ANO3: variants seen among roughly 807,000 people sequenced by gnomAD.
The protein encoded by ANO3 is anoctamin 3.
ANO3 carries 99 observed loss-of-function variants against 144.8 expected under a neutral mutation model. That is an observed-to-expected ratio of 0.68 (90% CI 0.58 to 0.81). ANO3 has a LOEUF of 0.81. Among genes scored for constraint, ANO3 ranks in the 30% least tolerant of loss-of-function variants. ANO3 has a pLI of 0.00. For synonymous variants in ANO3, 414 were observed against 392.6 expected, an observed-to-expected ratio of 1.05 and a Z score of -0.64; for missense variants, 905 against 1,202.2, an observed-to-expected ratio of 0.75 and a Z score of 3.66.
chr11:26,314,400 G>A (rs1243410270), intron 1 of ANO3, among the ~76,000 whole-genome samples: 1 of 152,092 alleles, frequency 6.6e-6, no homozygotes, highest in African/African-American at 2.4e-5. Context: ...TGAGATAAGT[G>A]CTTAGCATAC....
intron 7 of ANO3, among the ~76,000 whole-genome samples, chr11:26,527,442 G>C (rs1849191508): frequency 1.3e-5 from 2 of 151,822 alleles, no homozygotes; most frequent in South Asian, 4.2e-4. Context: ...CTATGTCTTT[G>C]TGGATTCATG....
At position 26,396,881 on chromosome 11, in the gene ANO3, A is replaced by G. The variant is rs559938006; in HGVS notation, c.47-45037A>G. Among the ~76,000 whole-genome samples, 7 of 152,098 alleles carry G rather than the reference A, an allele frequency of 4.6e-5. No homozygotes were observed. The South Asian group carries it at 1.4e-3, about 31-fold the overall frequency. On this transcript the variant is annotated intron_variant, in intron 1 of 26. Coordinates refer to ENST00000256737, the MANE Select transcript of ANO3 (RefSeq NM_031418.4). The stretch of plus-strand genomic sequence containing the variant: ...TGAGTGTGGCAAACCACTATGGCAC[A>G]TGTATACCTATGTAACAAACCTGCA...
Position 26,660,607 on chromosome 11 carries a change from G to A in ANO3, c.*163G>A. ...CCATCTCTGGGATTTGAAATATCCA[G>A]ACTTGTAGGGAAGAAAACAATGACT... On this transcript the variant is annotated 3_prime_UTR_variant, in exon 27 of 27. Transcript: ENST00000256737. 2 of 612,826 alleles carry A rather than the reference G, an allele frequency of 3.3e-6. No individual in the cohort carries two copies. Among genetic ancestry groups the A allele is most frequent in the South Asian group, 2.6e-5 (1 of 38,720 alleles). The allele number at this position is 612,826 out of a possible 1,614,324, so 38.0% of individuals were successfully genotyped here.
chr11:26,355,526 C>T (rs1855756836), intron 1 of ANO3, among the ~76,000 whole-genome samples: 1 of 148,944 alleles, frequency 6.7e-6, no homozygotes, highest in Non-Finnish European at 1.5e-5. Context: ...GGGGTCTTGT[C>T]TTTAATTTGG....
At chr11:26,549,642 A>C (rs1315366700) in intron 12 of ANO3, among the ~76,000 whole-genome samples, 1 of 151,952 alleles carries the variant, frequency 6.6e-6, no homozygotes, top group Non-Finnish European at 1.5e-5. Flanking sequence ...ATCAGGTTTT[A>C]GATGATTGTA....
chr11:26,464,778 A>G (rs994853543), intron 4 of ANO3, among the ~76,000 whole-genome samples: 8 of 151,844 alleles, frequency 5.3e-5, no homozygotes, highest in East Asian at 1.9e-4. Context: ...CCCTTCTCCT[A>G]TTATACTTCC....
intron 2 of ANO3, among the ~76,000 whole-genome samples, chr11:26,443,109 G>T (rs181482683): frequency 6.6e-6 from 1 of 152,056 alleles, no homozygotes; most frequent in Admixed American, 6.6e-5. Context: ...TTATAAGAAT[G>T]CAGTCCCTTA....
chr11:26,607,514 C>T (rs1348785488), intron 17 of ANO3, among the ~76,000 whole-genome samples: 2 of 152,124 alleles, frequency 1.3e-5, no homozygotes, highest in Non-Finnish European at 2.9e-5. Context: ...TTGTTTATTC[C>T]TTTTCATTCT....
intron 26 of ANO3, among the ~76,000 whole-genome samples, chr11:26,658,187 AC>A (rs1853756628): frequency 1.3e-5 from 2 of 152,096 alleles, no homozygotes; most frequent in Non-Finnish European, 2.9e-5. Flanking sequence ...TTTTCCCTCC[AC>A]CATTTATTGA....
chr11:26,392,222 A>AC (rs751699271), intron 1 of ANO3, among the ~76,000 whole-genome samples: 26 of 146,936 alleles, frequency 1.8e-4, no homozygotes, highest in Middle Eastern at 3.6e-3. Flanking sequence ...TCTGTGTCGT[A>AC]CATGGTGAAT....
chr11:26,533,747 G>C (rs1849432517), intron 8 of ANO3, among the ~76,000 whole-genome samples: 1 of 152,150 alleles, frequency 6.6e-6, no homozygotes, highest in South Asian at 2.1e-4. Context: ...TTTGCCATCT[G>C]TTTGAATATG....
intron 1 of ANO3, among the ~76,000 whole-genome samples, chr11:26,432,158 G>A (rs1349918282): frequency 6.6e-6 from 1 of 152,104 alleles, no homozygotes; most frequent in Non-Finnish European, 1.5e-5. Flanking sequence ...CTAATGATCA[G>A]TGGTATTGAG....
At chr11:26,319,188 A>G (rs1466059822) in intron 1 of ANO3, among the ~76,000 whole-genome samples, 1 of 148,036 alleles carries the variant, frequency 6.8e-6, no homozygotes, top group Non-Finnish European at 1.5e-5. Flanking sequence ...TTGTAGAGAC[A>G]GGGTCTTTCT....
At chr11:26,473,944 A>G (rs1055019393) in intron 4 of ANO3, 15 of 985,096 alleles carry the variant, frequency 1.5e-5, no homozygotes, top group Middle Eastern at 5.2e-4. Context: ...TAGGCTAAAA[A>G]CCCTCCAGTC....
At chr11:26,270,349 C>A (rs1853413301) in intron 1 of ANO3, among the ~76,000 whole-genome samples, 1 of 152,096 alleles carries the variant, frequency 6.6e-6, no homozygotes, top group African/African-American at 2.4e-5. Flanking sequence ...ACTAAAATTA[C>A]TCTATTGAAA....
intron 1 of ANO3, among the ~76,000 whole-genome samples, chr11:26,278,732 A>T (rs544541114): frequency 6.6e-6 from 1 of 152,060 alleles, no homozygotes; most frequent in Non-Finnish European, 1.5e-5. Context: ...ATACTCTATT[A>T]TTTGTCTTTC....
chr11:26,338,471 C>G (rs979000041), intron 1 of ANO3, among the ~76,000 whole-genome samples: 4 of 151,624 alleles, frequency 2.6e-5, no homozygotes, highest in Non-Finnish European at 5.9e-5. Context: ...ATGGACCAAT[C>G]AGCAGAATGT....
intron 1 of ANO3, among the ~76,000 whole-genome samples, chr11:26,424,297 T>G (rs943954383): frequency 2.9e-5 from 3 of 105,252 alleles, no homozygotes; most frequent in Non-Finnish European, 3.6e-5. Context: ...ATATGTCAGT[T>G]TTTTTTTCAT....
intron 1 of ANO3, among the ~76,000 whole-genome samples, chr11:26,385,891 G>A (rs1261201167): frequency 2.6e-5 from 3 of 116,764 alleles, no homozygotes; most frequent in South Asian, 2.6e-4. Flanking sequence ...TTCTTTGTGT[G>A]TGTATATATA....
Sources: allele counts gnomAD v4.1 joint callset (sites outside exome capture counted in the v4.1 genomes callset), GRCh38; gene constraint gnomAD v4.1.1; transcripts MANE v1.5; gene names NCBI Gene and HGNC (gene_info 2026-07-23, HGNC 2026-07-21).